Variants in MCM9 observed in about 807,000 individuals in gnomAD.
MCM9 encodes the protein minichromosome maintenance 9 homologous recombination repair factor.
In MCM9, 55 loss-of-function variants were observed where a neutral mutation model predicts 72.8. That is an observed-to-expected ratio of 0.76 (90% CI 0.61 to 0.95). MCM9 has a LOEUF of 0.95. MCM9 is among the 40% of genes least tolerant of loss of function. The pLI is 0.00. For synonymous variants in MCM9, 480 were observed against 503.4 expected (o/e 0.95, Z 0.62); for missense variants, 1,279 against 1,377.0 (o/e 0.93, Z 1.13).
intron 8 of MCM9, 93 bp from the exon 9 acceptor site, chr6:118,856,638 G>A: frequency 7.5e-7 from 1 of 1,325,492 alleles, no homozygotes; most frequent in Non-Finnish European, 1.0e-6. Flanking sequence ...CAGCAGTTTA[G>A]GAGGCTGAGG....
chr6:118,828,044 A>G lies in MCM9; in HGVS notation c.1615T>C (p.Ser539Pro). The G allele has an allele frequency of 6.4e-7, 1 of 1,550,672 alleles. No individual in the cohort carries two copies. The highest frequency in any genetic ancestry group is 8.7e-7 in the Non-Finnish European group (1 of 1,146,900). ...AGAAGAACCTGATTGCCCACATCAG[A>G]CAGTGTGGGCTGCAGATTCCTTATG... is the stretch of plus-strand genomic sequence containing the variant. ...CLIRNLQPTL[S>P]DVGNQVLLRY... The change falls in exon 11 of 14, where the codon TCT becomes CCT. Residue 539 changes from serine to proline, a missense_variant. Coordinates refer to ENST00000619706, the MANE Select transcript of MCM9 (RefSeq NM_017696.3).
intron 8 of MCM9, among the ~76,000 whole-genome samples, chr6:118,883,069 C>CAAA (rs36162403): frequency 1.7e-4 from 8 of 46,144 alleles, no homozygotes; most frequent in East Asian, 1.1e-3. Context: ...CTCAAAGATG[C>CAAA]AAAAAAAAAA....
intron 8 of MCM9, among the ~76,000 whole-genome samples, chr6:118,876,309 AT>A (rs1777928836): frequency 6.6e-6 from 1 of 152,214 alleles, no homozygotes; most frequent in Admixed American, 6.5e-5. Context: ...ATAATGGTGG[AT>A]ATGTGTCATT....
chr6:118,819,394 C>T (rs796879120), intron 13 of MCM9, among the ~76,000 whole-genome samples: 11 of 152,134 alleles, frequency 7.2e-5, no homozygotes, highest in African/African-American at 2.4e-4. Flanking sequence ...GTTTTTGTCA[C>T]TGGTTCTGTT....
chr6:118,891,356 G>A (rs1165111706), intron 8 of MCM9, among the ~76,000 whole-genome samples: 1 of 152,112 alleles, frequency 6.6e-6, no homozygotes, highest in Non-Finnish European at 1.5e-5. Flanking sequence ...ATTCTGAGGG[G>A]AAAAATATCT....
intron 3 of MCM9, among the ~76,000 whole-genome samples, chr6:118,925,338 C>T (rs1365027313): frequency 6.6e-6 from 1 of 152,178 alleles, no homozygotes; most frequent in Admixed American, 6.5e-5. Flanking sequence ...TCAGATTGTC[C>T]AGCCCATGAG....
intron 9 of MCM9, among the ~76,000 whole-genome samples, chr6:118,845,489 G>A (rs1318442545): frequency 6.6e-6 from 1 of 151,630 alleles, no homozygotes; most frequent in Non-Finnish European, 1.5e-5. Context: ...GTGTATTTTT[G>A]CAGTCACTAA....
At chr6:118,851,481 A>G (rs1264811920) in intron 9 of MCM9, among the ~76,000 whole-genome samples, 2 of 151,920 alleles carry the variant, frequency 1.3e-5, no homozygotes, top group Non-Finnish European at 2.9e-5. Flanking sequence ...GCATGATAAT[A>G]AAATTGTACA....
rs372887187 is a variant in MCM9, at chr6:118,821,481, G to A, written c.1961+4666C>T. On this transcript the variant is annotated intron_variant, in intron 13 of 13. Coordinates refer to ENST00000619706, the MANE Select transcript of MCM9 (RefSeq NM_017696.3). ...TCTTCTGGCTTGTAGGGTTTCTGCC[G>A]AGAGATCTGCGGTTAGTCTGATGGG... Among the ~76,000 whole-genome samples the A allele has an allele frequency of 9.4e-4, 143 of 152,236 alleles. No homozygotes were observed. The South Asian group carries it at 0.017, about 18-fold the overall frequency.
In MCM9 at chr6:118,813,846, T is replaced by A. The variant is rs1198822354; in HGVS notation, c.*978A>T. On this transcript the variant is annotated 3_prime_UTR_variant, in exon 14 of 14. Transcript: ENST00000619706. ...CACATTTCCATATTAACCAGCTGGGTAGATGAGACATGATGTTTGATTGAG... is the reference window on the plus strand; with the variant it reads ...CACATTTCCATATTAACCAGCTGGGAAGATGAGACATGATGTTTGATTGAG... 6.6e-6 allele frequency: 1 copy of A among 152,166 alleles called. No homozygotes were observed. The highest frequency in any genetic ancestry group is 1.5e-5 in the Non-Finnish European group (1 of 68,022). 9.4% of individuals were successfully genotyped at this position (152,166 alleles called of 1,614,324 possible). A position where few individuals can be genotyped will look rare whatever the true frequency, so the allele number is the denominator to read the frequency against.
intron 8 of MCM9, chr6:118,910,496 T>C (rs1780466549): frequency 8.6e-6 from 4 of 462,644 alleles, no homozygotes; most frequent in Non-Finnish European, 8.5e-6. Context: ...CAATTCACTT[T>C]CAAACTGCCC....
At chr6:118,868,255 A>C (rs1295668088) in intron 8 of MCM9, among the ~76,000 whole-genome samples, 2 of 152,226 alleles carry the variant, frequency 1.3e-5, no homozygotes, top group Non-Finnish European at 2.9e-5. Flanking sequence ...GCAAATTATA[A>C]AAAGACAAAG....
intron 9 of MCM9, among the ~76,000 whole-genome samples, chr6:118,830,491 G>T (rs1423373025): frequency 6.6e-6 from 1 of 152,222 alleles, no homozygotes; most frequent in Non-Finnish European, 1.5e-5. Flanking sequence ...ATTCTGGACA[G>T]TCCACATCTT....
At chr6:118,840,284 G>C (rs574366758) in intron 9 of MCM9, among the ~76,000 whole-genome samples, 1 of 152,022 alleles carries the variant, frequency 6.6e-6, no homozygotes, top group Admixed American at 6.5e-5. Flanking sequence ...GGTATTGGGA[G>C]GTGGGGCCTT....
chr6:118,878,890 C>G (rs1273444822), intron 8 of MCM9, among the ~76,000 whole-genome samples: 2 of 152,084 alleles, frequency 1.3e-5, no homozygotes, highest in Non-Finnish European at 2.9e-5. Flanking sequence ...AACCCCGTCT[C>G]TACTAAAAAT....
intron 9 of MCM9, among the ~76,000 whole-genome samples, chr6:118,836,545 T>C (rs1583379437): frequency 6.6e-6 from 1 of 152,166 alleles, no homozygotes; most frequent in Non-Finnish European, 1.5e-5. Flanking sequence ...TCTATTCAGG[T>C]ATTCGACTTC....
chr6:118,828,209 G>T, intron 10 of MCM9, 79 bp from the exon 11 acceptor site: 1 of 1,138,540 alleles, frequency 8.8e-7, no homozygotes, highest in Non-Finnish European at 1.2e-6. Flanking sequence ...TAAAGTTCTG[G>T]TACTCATTTG....
At chr6:118,891,906 G>A (rs1284757267) in intron 8 of MCM9, among the ~76,000 whole-genome samples, 2 of 152,164 alleles carry the variant, frequency 1.3e-5, no homozygotes, top group African/African-American at 4.8e-5. Flanking sequence ...CAAACATTAT[G>A]TGGGACCCCC....
chr6:118,815,033 G>A lies in MCM9; in HGVS notation c.3223C>T (p.Pro1075Ser), dbSNP rs61744508. Residue 1075 changes from proline (P) to serine (S), a missense_variant, in exon 14 of 14, where the codon CCT becomes TCT. Transcript: ENST00000619706. The part of the protein sequence containing the change: ...PPSESKSKSP[P>S]PERKNRGERG... The stretch of plus-strand genomic sequence containing the variant: ...TCACCTCGGTTCTTCCTTTCAGGAG[G>A]AGGGGATTTTGATTTGGATTCCGAT... The A allele has an allele frequency of 2.0e-3, 3,083 of 1,550,360 alleles. 50 individuals are homozygous for A. In the African/African-American group the frequency reaches 0.036, roughly 18 times the overall value.
Sources: allele counts gnomAD v4.1 joint callset (sites outside exome capture counted in the v4.1 genomes callset), GRCh38; gene constraint gnomAD v4.1.1; transcripts MANE v1.5; gene names NCBI Gene and HGNC (gene_info 2026-07-23, HGNC 2026-07-21).